IARS2: variants seen among roughly 807,000 people sequenced by gnomAD.
The protein encoded by IARS2 is isoleucyl-tRNA synthetase 2, mitochondrial.
In IARS2, 56 loss-of-function variants were observed where a neutral mutation model predicts 126.3. The ratio of observed to expected loss-of-function variants is 0.44; its 90% CI spans 0.36 to 0.55. The LOEUF (loss-of-function observed/expected upper bound fraction) is 0.55, where lower values mean the gene tolerates loss of function less well. IARS2 is among the 20% of genes least tolerant of loss of function. The pLI is 0.00. For synonymous variants in IARS2, 407 were observed against 441.1 expected (o/e 0.92, Z 0.97); for missense variants, 1,127 against 1,245.9 (o/e 0.90, Z 1.44).
intron 21 of IARS2, chr1:220,144,344 G>A (rs555614977): frequency 1.5e-5 from 11 of 720,766 alleles, no homozygotes; most frequent in East Asian, 1.2e-4. Context: ...ACATTCATGC[G>A]CACCATTGTG....
chr1:220,135,273 G>A (rs1657348604), intron 15 of IARS2, among the ~76,000 whole-genome samples: 1 of 152,114 alleles, frequency 6.6e-6, no homozygotes, highest in Non-Finnish European at 1.5e-5. Flanking sequence ...CAAACGTGTG[G>A]GTGAAAGTAC....
At chr1:220,105,620 A>C (rs1189421342) in intron 8 of IARS2, among the ~76,000 whole-genome samples, 1 of 152,182 alleles carries the variant, frequency 6.6e-6, no homozygotes, top group African/African-American at 2.4e-5. Flanking sequence ...GTGAGGGAGA[A>C]TATTAAGTGG....
chr1:220,107,248 C>G (rs1180301946), intron 10 of IARS2, 97 bp downstream of exon 10: 2 of 738,368 alleles, frequency 2.7e-6, no homozygotes. Flanking sequence ...TTAACAGAAA[C>G]AAAAAAATAA....
At position 220,094,358 on chromosome 1, in the gene IARS2, G is replaced by A; in HGVS notation, c.142G>A (p.Ala48Thr). ...GCTTCTGGTGCGGTCGGTCTCCGGG[G>A]CCAGTAACCACCAGCCGAACTCGAA... is the stretch of plus-strand genomic sequence containing the variant. ...KRLLVRSVSGASNHQPNSNSG... is the reference protein window; with the variant it reads ...KRLLVRSVSGTSNHQPNSNSG... The change falls in exon 1 of 23, where the codon GCC (alanine) becomes ACC (threonine). Residue 48 changes from alanine to threonine, a missense_variant. Transcript: ENST00000366922. The A allele has an allele frequency of 6.2e-7, 1 of 1,613,130 alleles. No homozygotes were observed. Among genetic ancestry groups the A allele is most frequent in the Non-Finnish European group, 8.5e-7 (1 of 1,179,686 alleles).
chr1:220,124,486 G>A (rs915404128), intron 12 of IARS2, among the ~76,000 whole-genome samples: 2 of 152,148 alleles, frequency 1.3e-5, no homozygotes, highest in African/African-American at 2.4e-5. Context: ...GCCAACTGCT[G>A]TATCTCTAGT....
chr1:220,120,716 G>A (rs781768133), intron 12 of IARS2, among the ~76,000 whole-genome samples: 1 of 152,050 alleles, frequency 6.6e-6, no homozygotes, highest in Non-Finnish European at 1.5e-5. Context: ...CTTATATTAT[G>A]TACAACATGT....
chr1:220,141,716 G>T, intron 19 of IARS2, 87 bp from the exon 20 acceptor site: 1 of 1,302,242 alleles, frequency 7.7e-7, no homozygotes. Flanking sequence ...TAGCCACTAG[G>T]AATAAACTCA....
At chr1:220,127,282 C>G (rs182340552) in intron 14 of IARS2, among the ~76,000 whole-genome samples, 16 of 152,282 alleles carry the variant, frequency 1.1e-4, no homozygotes, top group Admixed American at 8.5e-4. Flanking sequence ...CGCAAGTACC[C>G]TGATTTTCAG....
chr1:220,135,386 A>G (rs1406935867), intron 15 of IARS2, among the ~76,000 whole-genome samples: 2 of 151,110 alleles, frequency 1.3e-5, no homozygotes, highest in African/African-American at 2.4e-5. Context: ...TTTGAGATGG[A>G]GTCTTGTTCT....
chr1:220,120,573 G>A (rs1443520350), intron 12 of IARS2, among the ~76,000 whole-genome samples: 1 of 151,768 alleles, frequency 6.6e-6, no homozygotes, highest in Admixed American at 6.6e-5. Flanking sequence ...ACCGGGTTTT[G>A]CCATGTTGCC....
At position 220,143,028 on chromosome 1, in the gene IARS2, C is replaced by T. The variant is rs367582125; in HGVS notation, c.2645C>T (p.Ala882Val). 48 of 1,613,986 alleles carry T rather than the reference C, an allele frequency of 3.0e-5. No homozygotes were observed. The highest frequency in any genetic ancestry group is 2.5e-4 in the South Asian group (23 of 91,078). The part of the protein sequence containing the change: ...KPGLEEAVES[A>V]CAMRDSFLGS... ...GGGTTGGAAGAAGCTGTGGAGAGTG[C>T]GTGTGCAATGCGAGACTCATTTCTT... The change falls in exon 21 of 23, where the codon GCG becomes GTG. Residue 882 changes from alanine (A) to valine (V), a missense_variant. Coordinates refer to ENST00000366922, the MANE Select transcript of IARS2 (RefSeq NM_018060.4).
chr1:220,111,445 T>G (rs1165123218), intron 11 of IARS2, among the ~76,000 whole-genome samples: 1 of 152,128 alleles, frequency 6.6e-6, no homozygotes, highest in Non-Finnish European at 1.5e-5. Flanking sequence ...GGAAGCATAT[T>G]AAAAAGAAAA....
intron 3 of IARS2, 24 bp from the exon 4 acceptor site, chr1:220,102,105 A>G (rs776470541): frequency 1.3e-6 from 2 of 1,587,234 alleles, no homozygotes; most frequent in East Asian, 4.5e-5. Context: ...GTTTTTTAAA[A>G]TCTTTTTTTC....
rs143192468 is a variant in IARS2, at chr1:220,147,572, G to A, written c.2976G>A (p.Lys992=). The A allele has an allele frequency of 3.2e-5, 52 of 1,613,996 alleles. No homozygotes were observed. The highest frequency in any genetic ancestry group is 1.6e-4 in the Middle Eastern group (1 of 6,084). ...TTKEKCPRCW[K]YTAESSDTLC... ...AAGAAAAATGCCCCCGTTGTTGGAAGTATACAGCGGAGTCTTCAGATACAC... is the reference window on the plus strand; with the variant it reads ...AAGAAAAATGCCCCCGTTGTTGGAAATATACAGCGGAGTCTTCAGATACAC... Residue 992 remains lysine (K), a synonymous_variant, in exon 23 of 23, where the codon AAG becomes AAA. Coordinates refer to ENST00000366922, the MANE Select transcript of IARS2 (RefSeq NM_018060.4).
intron 12 of IARS2, 29 bp from the exon 13 acceptor site, chr1:220,125,208 A>T (rs74363098): frequency 1.5e-6 from 2 of 1,296,082 alleles, no homozygotes; most frequent in Non-Finnish European, 2.2e-6. Flanking sequence ...AGTTAATTGA[A>T]TAATTCTGCC....
At chr1:220,125,117 TTTTCTTC>T in intron 12 of IARS2, 113 bp from the exon 13 acceptor site, 1 of 538,440 alleles carries the variant, frequency 1.9e-6, no homozygotes, top group Non-Finnish European at 3.2e-6. Context: ...GATAGCAGCT[TTTTCTTC>T]AAACTAAGGT....
chr1:220,137,593 C>T (rs770642249), intron 16 of IARS2: 11 of 202,236 alleles, frequency 5.4e-5, no homozygotes, highest in Non-Finnish European at 1.1e-4. Context: ...TTCCTCTTCC[C>T]CTCCCTTATT....
At chr1:220,120,011 T>C (rs890578079) in intron 12 of IARS2, among the ~76,000 whole-genome samples, 4 of 152,092 alleles carry the variant, frequency 2.6e-5, no homozygotes, top group African/African-American at 9.7e-5. Context: ...TCATTATACC[T>C]AGCTCAAGTT....
Position 220,105,941 on chromosome 1 carries a change from G to A in IARS2, c.1117G>A (p.Ala373Thr). 6.2e-7 allele frequency: 1 copy of A among 1,614,072 alleles called. No individual in the cohort carries two copies. The highest frequency in any genetic ancestry group is 8.5e-7 in the Non-Finnish European group (1 of 1,179,976). Residue 373 changes from alanine (A) to threonine (T), a missense_variant, in exon 9 of 23, where the codon GCC becomes ACC. Physicochemically the swap from Ala to Thr is moderately conservative, Grantham distance 58. Coordinates refer to ENST00000366922, the MANE Select transcript of IARS2 (RefSeq NM_018060.4). ...CAGTCATCCATTAATTCCTGATAAAGCCTCTCCTCTTTTACCTGCAAATCA... is the reference window on the plus strand; with the variant it reads ...CAGTCATCCATTAATTCCTGATAAAACCTCTCCTCTTTTACCTGCAAATCA... ...TCSHPLIPDK[A>T]SPLLPANHVT...
Sources: allele counts gnomAD v4.1 joint callset (sites outside exome capture counted in the v4.1 genomes callset), GRCh38; gene constraint gnomAD v4.1.1; transcripts MANE v1.5; gene names NCBI Gene and HGNC (gene_info 2026-07-23, HGNC 2026-07-21).